PRKN: variants seen among roughly 807,000 people sequenced by gnomAD.
PRKN encodes the protein E3 ubiquitin-protein ligase parkin.
A neutral mutation model predicts 59.5 loss-of-function variants in PRKN; 56 were observed. The ratio of observed to expected loss-of-function variants is 0.94; its 90% CI spans 0.76 to 1.18. PRKN has a LOEUF of 1.18. Ranked by LOEUF, PRKN falls within the 50% of genes most tolerant of loss-of-function variation. The pLI is 0.00. For synonymous variants in PRKN, 250 were observed against 222.1 expected (o/e 1.13, Z -1.12); for missense variants, 657 against 596.4 (o/e 1.10, Z -1.06).
intron 5 of PRKN, among the ~76,000 whole-genome samples, chr6:162,011,146 A>ACTATATTATATATAATATAGTATATT (rs1554260683): frequency 0.15 from 130 of 894 alleles, 54 homozygotes; most frequent in Admixed American, 0.56. Flanking sequence ...TATAATATAT[A>ACTATATTATATATAATATAGTATATT]TTATAATATA....
chr6:162,523,861 TTA>T (rs1015788643), intron 1 of PRKN, among the ~76,000 whole-genome samples: 12 of 151,604 alleles, frequency 7.9e-5, no homozygotes, highest in African/African-American at 2.9e-4. Flanking sequence ...TAAAAAGAAA[TTA>T]TGTTTAAAAA....
chr6:162,370,707 A>C (rs565859661), intron 2 of PRKN, among the ~76,000 whole-genome samples: 1 of 152,324 alleles, frequency 6.6e-6, no homozygotes, highest in East Asian at 1.9e-4. Flanking sequence ...AAGCACTACA[A>C]ATGAATACAG....
intron 2 of PRKN, among the ~76,000 whole-genome samples, chr6:162,311,571 C>G (rs966850770): frequency 6.6e-6 from 1 of 151,522 alleles, no homozygotes; most frequent in South Asian, 2.1e-4. Context: ...CAACCTCCAC[C>G]TCCTGGGTTC....
rs529250417 is a variant in PRKN at position 162,209,594 on chromosome 6, C to T, written c.413-8342G>A. The stretch of plus-strand genomic sequence containing the variant: ...AGAAATACCATTTGACCCAGCCATG[C>T]CATTACTGGGTATATACACCCAAAG... On this transcript the variant is annotated intron_variant, in intron 3 of 11. Transcript: ENST00000366898. Among the ~76,000 whole-genome samples the T allele has an allele frequency of 2.9e-3, 436 of 152,202 alleles. 2 individuals carry two copies. The highest frequency in any genetic ancestry group is 5.1e-3 in the Non-Finnish European group (347 of 68,008).
intron 6 of PRKN, among the ~76,000 whole-genome samples, chr6:161,878,549 T>C (rs998435259): frequency 6.6e-6 from 1 of 152,188 alleles, no homozygotes; most frequent in African/African-American, 2.4e-5. Flanking sequence ...TACTTTATAG[T>C]AGGATCAGCT....
intron 1 of PRKN, among the ~76,000 whole-genome samples, chr6:162,527,610 C>T (rs55816773): frequency 0.062 from 9,431 of 152,186 alleles, 401 homozygotes; most frequent in South Asian, 0.17. Context: ...CCAGTTTCTT[C>T]GTTACGACTG....
At chr6:161,990,496 T>C (rs999979922) in intron 5 of PRKN, among the ~76,000 whole-genome samples, 6 of 152,096 alleles carry the variant, frequency 3.9e-5, no homozygotes, top group Admixed American at 6.5e-5. Flanking sequence ...AAATAAAAGA[T>C]ACGAAATATC....
chr6:161,828,828 G>A (rs1208578920), intron 6 of PRKN, among the ~76,000 whole-genome samples: 1 of 152,090 alleles, frequency 6.6e-6, no homozygotes, highest in Admixed American at 6.6e-5. Flanking sequence ...TACTTGGGAC[G>A]CTGAGGCGGG....
intron 7 of PRKN, among the ~76,000 whole-genome samples, chr6:161,767,549 C>T (rs1284871943): frequency 6.6e-6 from 1 of 151,508 alleles, no homozygotes; most frequent in Non-Finnish European, 1.5e-5. Context: ...ATCAGCATGG[C>T]AGAAAAAAGA....
chr6:162,430,946 G>A (rs9365423), intron 2 of PRKN, among the ~76,000 whole-genome samples: 17,728 of 152,114 alleles, frequency 0.12, 1,416 homozygotes, highest in African/African-American at 0.23. Flanking sequence ...AGAACAATGT[G>A]CTCAGATAAG....
rs572007599 is a variant in PRKN at position 161,832,558 on chromosome 6, T to A, written c.735-46650A>T. ...AGAATCGCTTGAACCCAGGAGGCGGTGGTTGCAGTGAGGTGAGATCATGCC... is the reference window on the plus strand; with the variant it reads ...AGAATCGCTTGAACCCAGGAGGCGGAGGTTGCAGTGAGGTGAGATCATGCC... On this transcript the variant is annotated intron_variant, in intron 6 of 11. Transcript: ENST00000366898. Among the ~76,000 whole-genome samples the A allele has an allele frequency of 4.4e-5, 6 of 135,576 alleles. No individual in the cohort carries two copies. The South Asian group carries it at 9.3e-4, about 21-fold the overall frequency. The allele number at this position is 135,576 out of a possible 152,430, so 88.9% of individuals were successfully genotyped here.
At chr6:162,209,323 C>G (rs1383395016) in intron 3 of PRKN, among the ~76,000 whole-genome samples, 2 of 152,152 alleles carry the variant, frequency 1.3e-5, no homozygotes, top group Admixed American at 6.6e-5. Context: ...ATAGAACAGA[C>G]AGCTATGCAG....
At chr6:162,412,745 A>G (rs1413697344) in intron 2 of PRKN, among the ~76,000 whole-genome samples, 1 of 152,172 alleles carries the variant, frequency 6.6e-6, no homozygotes, top group Non-Finnish European at 1.5e-5. Context: ...TTTATCACCA[A>G]CAAGAAAAAA....
chr6:162,654,612 C>A (rs1312015899), intron 1 of PRKN, among the ~76,000 whole-genome samples: 1 of 152,128 alleles, frequency 6.6e-6, no homozygotes, highest in Non-Finnish European at 1.5e-5. Flanking sequence ...ATTTTCAAAT[C>A]TTCTGATTCA....
At chr6:161,898,309 A>G (rs73022579) in intron 6 of PRKN, among the ~76,000 whole-genome samples, 15,547 of 152,234 alleles carry the variant, frequency 0.1, 779 homozygotes, top group Admixed American at 0.12. Context: ...GTCCTGATGC[A>G]TATAAGGTAG....
intron 9 of PRKN, among the ~76,000 whole-genome samples, chr6:161,512,502 G>C (rs982838608): frequency 6.6e-6 from 1 of 152,206 alleles, no homozygotes; most frequent in African/African-American, 2.4e-5. Flanking sequence ...CACCTTTGAC[G>C]TGCTAACAAC....
intron 1 of PRKN, among the ~76,000 whole-genome samples, chr6:162,704,089 C>G (rs1211773602): frequency 2.0e-5 from 3 of 152,172 alleles, no homozygotes; most frequent in African/African-American, 7.2e-5. Context: ...CTGGTACCCG[C>G]TGAGCCTCAG....
chr6:161,870,166 G>A (rs1167838327), intron 6 of PRKN, among the ~76,000 whole-genome samples: 1 of 152,132 alleles, frequency 6.6e-6, no homozygotes, highest in African/African-American at 2.4e-5. Flanking sequence ...AGGGTGGTAT[G>A]GTCATAGACA....
In PRKN at chr6:161,393,398, G is replaced by C. The variant is rs1482780229; in HGVS notation, c.1084-6521C>G. On this transcript the variant is annotated intron_variant, in intron 9 of 11. Transcript: ENST00000366898. The surrounding 1 kb of genome is among the most constrained non-coding windows in gnomAD (Gnocchi z 4.7). Reference sequence around the variant, plus strand: ...AAGACATAAGACTGCTGTCTAGAAAGGGATGAGGCCTCTCTTTGCTGGTAT... The same window carrying C: ...AAGACATAAGACTGCTGTCTAGAAACGGATGAGGCCTCTCTTTGCTGGTAT... 6.6e-6 allele frequency among the ~76,000 whole-genome samples: 1 copy of C among 152,090 alleles called. No homozygotes were observed. The highest frequency in any genetic ancestry group is 1.9e-4 in the East Asian group (1 of 5,190).
Sources: allele counts gnomAD v4.1 joint callset (sites outside exome capture counted in the v4.1 genomes callset), GRCh38; gene constraint gnomAD v4.1.1; non-coding constraint Gnocchi (gnomAD v3.1); transcripts MANE v1.5; gene names NCBI Gene and HGNC (gene_info 2026-07-23, HGNC 2026-07-21).